The following SCHIP1 variants were observed in gnomAD, a reference collection of about 807,000 sequenced individuals.
The protein encoded by SCHIP1 is schwannomin interacting protein 1, also known as schwannomin-interacting protein 1.
SCHIP1 carries 8 observed loss-of-function variants against 29.7 expected under a neutral mutation model. The ratio of observed to expected loss-of-function variants is 0.27; its 90% CI spans 0.16 to 0.49. The LOEUF (loss-of-function observed/expected upper bound fraction) is 0.49, where lower values mean the gene tolerates loss of function less well. Among genes scored for constraint, SCHIP1 ranks in the 20% least tolerant of loss-of-function variants. The pLI, the probability that SCHIP1 is intolerant of heterozygous loss-of-function variation, is 0.99. For missense variants in SCHIP1, 193 were observed against 294.6 expected (o/e 0.66, Z 2.52); for synonymous variants, 76 against 94.9 (o/e 0.80, Z 1.16).
intron 1 of SCHIP1, among the ~76,000 whole-genome samples, chr3:159,850,415 G>C (rs138224151): frequency 0.016 from 2,472 of 152,118 alleles, 33 homozygotes; most frequent in Non-Finnish European, 0.024. Context: ...TTAGCTGGGC[G>C]TGGTGGCGGG....
At chr3:159,469,995 C>T in the SCHIP1 span, among the ~76,000 whole-genome samples, 1 of 151,940 alleles carries the variant, frequency 6.6e-6, no homozygotes, top group African/African-American at 2.4e-5. Context: ...TAGTTCAATG[C>T]AATGAAACAT....
the SCHIP1 span, among the ~76,000 whole-genome samples, chr3:159,513,015 T>C: frequency 6.6e-6 from 1 of 152,270 alleles, no homozygotes; most frequent in Admixed American, 6.5e-5. Flanking sequence ...TACTCACAGG[T>C]ATCAAATTGG....
the SCHIP1 span, among the ~76,000 whole-genome samples, chr3:159,529,891 A>C: frequency 1.3e-5 from 2 of 152,218 alleles, no homozygotes; most frequent in Non-Finnish European, 2.9e-5. Flanking sequence ...TTCACTTAAC[A>C]TAACGTCCTC....
the SCHIP1 span, among the ~76,000 whole-genome samples, chr3:159,602,608 C>CTGAG: frequency 6.6e-6 from 1 of 151,742 alleles, no homozygotes; most frequent in South Asian, 2.1e-4. Flanking sequence ...ACTCGGGAGG[C>CTGAG]TGAGGCAGGA....
At chr3:159,502,947 C>T in the SCHIP1 span, among the ~76,000 whole-genome samples, 14 of 152,296 alleles carry the variant, frequency 9.2e-5, 1 homozygote, top group Middle Eastern at 3.4e-3. Flanking sequence ...TATAAAGACG[C>T]TAAAAGGCGG....
chr3:159,592,792 T>C, the SCHIP1 span, among the ~76,000 whole-genome samples: 39 of 152,172 alleles, frequency 2.6e-4, no homozygotes, highest in African/African-American at 8.7e-4. Context: ...ACACACTCGA[T>C]TAAATGAAGA....
the SCHIP1 span, among the ~76,000 whole-genome samples, chr3:159,659,579 A>G: frequency 6.6e-6 from 1 of 152,222 alleles, no homozygotes; most frequent in Admixed American, 6.5e-5. Context: ...TGCTTACGAC[A>G]GCTCCCTGAA....
chr3:159,562,673 AG>A, the SCHIP1 span, among the ~76,000 whole-genome samples: 1 of 152,290 alleles, frequency 6.6e-6, no homozygotes, highest in Middle Eastern at 3.4e-3. Flanking sequence ...ACTTCCATAA[AG>A]TTTTTGTAAG....
chr3:159,758,985 C>CAA, the SCHIP1 span, among the ~76,000 whole-genome samples: 2 of 152,236 alleles, frequency 1.3e-5, no homozygotes, highest in African/African-American at 4.8e-5. Flanking sequence ...TAGTGTTTGT[C>CAA]AAGCCAGGTG....
At chr3:159,296,457 A>G in the SCHIP1 span, among the ~76,000 whole-genome samples, 1 of 152,148 alleles carries the variant, frequency 6.6e-6, no homozygotes, top group Non-Finnish European at 1.5e-5. Context: ...ATTTATATGT[A>G]TGTGTGGTAA....
the SCHIP1 span, among the ~76,000 whole-genome samples, chr3:159,817,273 G>A: frequency 6.6e-6 from 1 of 152,110 alleles, no homozygotes; most frequent in African/African-American, 2.4e-5. Flanking sequence ...CATGGCTGGT[G>A]AAGTCTGAAG....
Position 159,861,456 on chromosome 3 carries a change from A to C in SCHIP1, c.31-4707A>C, listed in dbSNP as rs1448094661. On this transcript the variant is annotated intron_variant, in intron 1 of 6. Transcript: ENST00000445224. The surrounding 1 kb of genome is among the most constrained non-coding windows in gnomAD (Gnocchi z 4.1). The stretch of plus-strand genomic sequence containing the variant: ...CAGGGCACATCAGGAAAGGCTGAGC[A>C]TTGGTGTTCAGAGTCTGCAAGTGCT... Among the ~76,000 whole-genome samples the C allele has an allele frequency of 6.6e-6, 1 of 152,168 alleles. No homozygotes were observed. The highest frequency in any genetic ancestry group is 2.4e-5 in the African/African-American group (1 of 41,446).
At chr3:159,843,001 C>CTTCTTTTTTTTTT (rs1744394617) in intron 1 of SCHIP1, among the ~76,000 whole-genome samples, 9 of 63,736 alleles carry the variant, frequency 1.4e-4, no homozygotes, top group African/African-American at 4.2e-4. Context: ...ATATTTCTTT[C>CTTCTTTTTTTTTT]TTTTTTTTTT....
the SCHIP1 span, among the ~76,000 whole-genome samples, chr3:159,465,872 T>C: frequency 6.6e-6 from 1 of 152,140 alleles, no homozygotes; most frequent in African/African-American, 2.4e-5. Context: ...AAGCTCAAAG[T>C]ACATAAATAT....
chr3:159,736,798 G>C, the SCHIP1 span, among the ~76,000 whole-genome samples: 4 of 151,274 alleles, frequency 2.6e-5, no homozygotes, highest in African/African-American at 9.7e-5. Context: ...GCAGTGGCGC[G>C]ATCTCAGCTC....
chr3:159,402,395 T>C, the SCHIP1 span, among the ~76,000 whole-genome samples: 1 of 152,166 alleles, frequency 6.6e-6, no homozygotes, highest in Non-Finnish European at 1.5e-5. Context: ...GATCTAGAAC[T>C]AGAAATATCA....
chr3:159,797,339 C>T, the SCHIP1 span, among the ~76,000 whole-genome samples: 36 of 152,176 alleles, frequency 2.4e-4, no homozygotes, highest in Non-Finnish European at 4.9e-4. Flanking sequence ...CAGATTCTTC[C>T]TCTAAAGGAT....
the SCHIP1 span, among the ~76,000 whole-genome samples, chr3:159,580,515 C>A: frequency 6.6e-6 from 1 of 152,152 alleles, no homozygotes; most frequent in Non-Finnish European, 1.5e-5. Context: ...CAGTAACTAC[C>A]ATCTCTTTAC....
chr3:159,788,199 G>A, the SCHIP1 span, among the ~76,000 whole-genome samples: 7 of 152,102 alleles, frequency 4.6e-5, no homozygotes, highest in African/African-American at 2.4e-5. Context: ...CCATCTCTCA[G>A]GAAAGCACCT....
Sources: gnomAD v4.1 joint callset for allele counts (sites outside exome capture counted in the v4.1 genomes callset) on GRCh38, gnomAD v4.1.1 for gene constraint, Gnocchi (gnomAD v3.1) non-coding constraint, MANE v1.5 for transcripts, NCBI Gene and HGNC (gene_info 2026-07-23, HGNC 2026-07-21) for gene names.